GLRX2: variants seen among roughly 807,000 people sequenced by gnomAD.
GLRX2 encodes the protein glutaredoxin 2.
Under a neutral mutation model 16.4 loss-of-function variants are expected in GLRX2, and 12 were observed. The observed-to-expected ratio is 0.73, with a 90% CI of 0.47 to 1.19. The LOEUF is 1.19. Ranked by LOEUF, GLRX2 falls within the 50% of genes most tolerant of loss-of-function variation. The pLI is 0.00. For synonymous variants in GLRX2, 95 were observed against 76.2 expected (o/e 1.25, Z -1.28); for missense variants, 201 against 201.8 (o/e 1.00, Z 0.02).
chr1:193,104,004 G>A (rs1028296310), intron 1 of GLRX2, among the ~76,000 whole-genome samples: 6 of 152,126 alleles, frequency 3.9e-5, no homozygotes, highest in African/African-American at 1.2e-4. Flanking sequence ...AAATCAGCAA[G>A]CTGTATTTGG....
chr1:193,104,257 A>T (rs1209607110), intron 1 of GLRX2, among the ~76,000 whole-genome samples: 1 of 152,212 alleles, frequency 6.6e-6, no homozygotes, highest in Non-Finnish European at 1.5e-5. Flanking sequence ...CGAACTATGA[A>T]TAGAAACATG....
At chr1:193,104,308 A>G (rs1675139344) in intron 1 of GLRX2, among the ~76,000 whole-genome samples, 2 of 152,196 alleles carry the variant, frequency 1.3e-5, no homozygotes, top group East Asian at 1.9e-4. Context: ...TCATTTCAAC[A>G]CAGATGAAGC....
intron 2 of GLRX2, among the ~76,000 whole-genome samples, chr1:193,100,740 G>A (rs112283765): frequency 2.2e-4 from 33 of 152,274 alleles, no homozygotes; most frequent in Admixed American, 5.2e-4. Context: ...GATGGTTTAC[G>A]GAGTAACTAC....
In GLRX2 at chr1:193,096,613, T is replaced by C. The variant is rs1218633651; in HGVS notation, c.*12A>G. 3 of 1,501,416 alleles carry C rather than the reference T, an allele frequency of 2.0e-6. No individual in the cohort carries two copies. Among genetic ancestry groups the C allele is most frequent in the East Asian group, 2.3e-5 (1 of 44,146 alleles). The allele number at this position is 1,501,416 out of a possible 1,614,324, so 93.0% of individuals were successfully genotyped here. On this transcript the variant is annotated 3_prime_UTR_variant, in exon 4 of 4. Coordinates refer to ENST00000367439, the MANE Select transcript of GLRX2 (RefSeq NM_197962.3). ...AACTGACACTGTACTAGCAAACTTA[T>C]TAGTATAAACATCACTGAAATTCTT...
In GLRX2 at chr1:193,105,412, A is replaced by G; in HGVS notation, c.-30T>C. On this transcript the variant is annotated 5_prime_UTR_variant, in exon 1 of 4. Transcript: ENST00000367439. ...AGAGCCCGGATCTGCAGCGAGCTCTACTGCCGGACACCGCGGATCCCGGGA... is the reference window on the plus strand; with the variant it reads ...AGAGCCCGGATCTGCAGCGAGCTCTGCTGCCGGACACCGCGGATCCCGGGA... The G allele has an allele frequency of 3.3e-6, 5 of 1,495,734 alleles. No homozygotes were observed. In the South Asian group the frequency reaches 3.8e-5, roughly 11 times the overall value. 92.7% of individuals were successfully genotyped at this position (1,495,734 alleles called of 1,614,324 possible).
chr1:193,104,681 T>C (rs1034080040), intron 1 of GLRX2, among the ~76,000 whole-genome samples: 2 of 152,216 alleles, frequency 1.3e-5, no homozygotes, highest in African/African-American at 4.8e-5. Flanking sequence ...CCGAAGCCGC[T>C]GATATTCCAA....
At chr1:193,099,336 T>TTTTTG (rs981333863) in intron 2 of GLRX2, among the ~76,000 whole-genome samples, 2 of 152,114 alleles carry the variant, frequency 1.3e-5, no homozygotes, top group Non-Finnish European at 2.9e-5. Flanking sequence ...TCTAGGTTTT[T>TTTTTG]TTTTGTTTTG....
chr1:193,096,507 ATCT>A lies in GLRX2; in HGVS notation c.*115_*117del, dbSNP rs1420456499. ...GCAATTTATTGTTCATTATTTTTAC[ATCT>A]TCTTCGTGAAGACAATGCATGTATT... is the stretch of plus-strand genomic sequence containing the variant. On this transcript the variant is annotated 3_prime_UTR_variant, in exon 4 of 4. Coordinates refer to ENST00000367439, the MANE Select transcript of GLRX2 (RefSeq NM_197962.3). 5.8e-6 allele frequency: 3 copies of A among 520,218 alleles called. No individual in the cohort carries two copies. The highest frequency in any genetic ancestry group is 3.8e-5 in the Admixed American group (1 of 26,058). 32.2% of individuals were successfully genotyped at this position (520,218 alleles called of 1,614,324 possible). A position where few individuals can be genotyped will look rare whatever the true frequency, so the allele number is the denominator to read the frequency against.
chr1:193,100,813 T>C (rs1675059755), intron 2 of GLRX2, among the ~76,000 whole-genome samples: 1 of 152,180 alleles, frequency 6.6e-6, no homozygotes, highest in African/African-American at 2.4e-5. Flanking sequence ...CAAAATCAAA[T>C]AGGATCCCTA....
At chr1:193,104,680 C>T (rs1238997775) in intron 1 of GLRX2, among the ~76,000 whole-genome samples, 2 of 152,252 alleles carry the variant, frequency 1.3e-5, no homozygotes, top group Non-Finnish European at 2.9e-5. Flanking sequence ...CCCGAAGCCG[C>T]TGATATTCCA....
At chr1:193,104,095 T>C (rs780204947) in intron 1 of GLRX2, among the ~76,000 whole-genome samples, 21 of 152,210 alleles carry the variant, frequency 1.4e-4, no homozygotes, top group Admixed American at 7.9e-4. Context: ...CTACAGCATT[T>C]ACTACTGAAG....
intron 3 of GLRX2, 119 bp downstream of exon 3, chr1:193,097,465 G>T (rs1050319025): frequency 2.7e-5 from 18 of 669,292 alleles, no homozygotes; most frequent in African/African-American, 1.9e-5. Context: ...TAGATCTGCA[G>T]CTGCTTTATC....
upstream of GLRX2, chr1:193,105,713 G>A (rs929994747): frequency 2.8e-5 from 41 of 1,485,054 alleles, 1 homozygote; most frequent in African/African-American, 2.9e-5. Flanking sequence ...AGCAGTGCAT[G>A]AGGATGGTGG....
chr1:193,100,011 T>G (rs1387189562), intron 2 of GLRX2, among the ~76,000 whole-genome samples: 1 of 152,110 alleles, frequency 6.6e-6, no homozygotes, highest in African/African-American at 2.4e-5. Flanking sequence ...AACACCATCG[T>G]GTAGGGAGAG....
At chr1:193,099,529 G>A (rs754108009) in intron 2 of GLRX2, among the ~76,000 whole-genome samples, 2 of 151,926 alleles carry the variant, frequency 1.3e-5, no homozygotes, top group Admixed American at 1.3e-4. Flanking sequence ...ACAGGGTTTC[G>A]CCATGTTGCC....
chr1:193,096,788 CT>C, intron 3 of GLRX2, 29 bp from the exon 4 acceptor site: 1 of 1,568,706 alleles, frequency 6.4e-7, no homozygotes, highest in Non-Finnish European at 8.7e-7. Context: ...AAGAATTAGG[CT>C]TTACTCTAGT....
At chr1:193,101,703 G>A (rs956134600) in intron 1 of GLRX2, among the ~76,000 whole-genome samples, 1 of 152,154 alleles carries the variant, frequency 6.6e-6, no homozygotes, top group Non-Finnish European at 1.5e-5. Flanking sequence ...TCACTGGCAC[G>A]TCTCAAAGGA....
intron 1 of GLRX2, among the ~76,000 whole-genome samples, chr1:193,102,788 G>A (rs1023337428): frequency 2.6e-5 from 4 of 152,074 alleles, no homozygotes; most frequent in African/African-American, 7.2e-5. Flanking sequence ...GTCAGCTGTG[G>A]TCCAAAAACA....
intron 1 of GLRX2, among the ~76,000 whole-genome samples, chr1:193,102,062 T>C (rs1273434118): frequency 6.6e-6 from 1 of 152,038 alleles, no homozygotes; most frequent in Non-Finnish European, 1.5e-5. Context: ...CAGAGTAAAA[T>C]TACAAATCTT....
Sources: allele counts gnomAD v4.1 joint callset (sites outside exome capture counted in the v4.1 genomes callset), GRCh38; gene constraint gnomAD v4.1.1; transcripts MANE v1.5; gene names NCBI Gene and HGNC (gene_info 2026-07-23, HGNC 2026-07-21).